LRBA: variants seen among roughly 807,000 people sequenced by gnomAD.
The protein encoded by LRBA is lipopolysaccharide-responsive and beige-like anchor protein.
A neutral mutation model predicts 330.0 loss-of-function variants in LRBA; 176 were observed. That is an observed-to-expected ratio of 0.53 (90% confidence interval 0.47 to 0.60). The LOEUF is 0.60. Ranked by LOEUF, LRBA falls within the 20% of genes least tolerant of loss-of-function variation. LRBA has a pLI of 0.00. For synonymous variants in LRBA, 1,230 were observed against 1,193.0 expected, an observed-to-expected ratio of 1.03 and a Z score of -0.64; for missense variants, 3,259 against 3,444.8, an observed-to-expected ratio of 0.95 and a Z score of 1.35.
chr4:150,539,633 T>C (rs1433741481), intron 40 of LRBA, among the ~76,000 whole-genome samples: 1 of 152,218 alleles, frequency 6.6e-6, no homozygotes, highest in Non-Finnish European at 1.5e-5. Context: ...CTCTGAATAG[T>C]TACCTGGAAG....
chr4:150,767,088 G>A (rs1298564181), intron 34 of LRBA, among the ~76,000 whole-genome samples: 2 of 152,022 alleles, frequency 1.3e-5, no homozygotes, highest in African/African-American at 2.4e-5. Context: ...GTAAAAGTTA[G>A]TTAGGGCAAC....
At chr4:150,869,989 A>C (rs1009349625) in intron 20 of LRBA, among the ~76,000 whole-genome samples, 4 of 152,184 alleles carry the variant, frequency 2.6e-5, no homozygotes, top group Non-Finnish European at 5.9e-5. Context: ...AACCACATAA[A>C]ATGTAATTAA....
chr4:150,832,481 A>T (rs186043074), intron 28 of LRBA, among the ~76,000 whole-genome samples: 9 of 152,284 alleles, frequency 5.9e-5, no homozygotes, highest in African/African-American at 1.7e-4. Context: ...CTGTAATCCC[A>T]GCTACTCAGG....
chr4:150,992,209 G>A (rs767473626), intron 2 of LRBA, among the ~76,000 whole-genome samples: 4 of 151,806 alleles, frequency 2.6e-5, no homozygotes, highest in East Asian at 1.9e-4. Context: ...CCAGCTACTC[G>A]TGAGGCTGAG....
intron 2 of LRBA, among the ~76,000 whole-genome samples, chr4:150,947,130 T>C (rs929200861): frequency 6.6e-5 from 10 of 151,718 alleles, no homozygotes; most frequent in Non-Finnish European, 1.3e-4. Flanking sequence ...TCTGGAGAAT[T>C]CTTCTAAATA....
rs912928419 is a variant in LRBA, at chr4:150,693,513, G to A, written c.5755-9796C>T. Among the ~76,000 whole-genome samples the A allele has an allele frequency of 7.5e-5, 9 of 119,440 alleles. No individual in the cohort carries two copies. The South Asian group carries it at 1.7e-3, about 23-fold the overall frequency. The allele number at this position is 119,440 out of a possible 152,430, so 78.4% of individuals were successfully genotyped here. On this transcript the variant is annotated intron_variant, in intron 36 of 56. Coordinates refer to ENST00000651943, the MANE Select transcript of LRBA (RefSeq NM_001364905.1). Reference sequence around the variant, plus strand: ...CGGGAGGCGGAGCTTGCAGTGAGCCGAGATCCCGCCACTGCACTCCAGCCT... The same window carrying A: ...CGGGAGGCGGAGCTTGCAGTGAGCCAAGATCCCGCCACTGCACTCCAGCCT...
In LRBA at chr4:150,818,551, TGTGTGTGTGTGTGC is replaced by T. The variant is rs973443867; in HGVS notation, c.5172-1308_5172-1295del. On this transcript the variant is annotated intron_variant, in intron 30 of 56. Transcript: ENST00000651943. The stretch of plus-strand genomic sequence containing the variant: ...GAATGTCTGTGTGTGTGTGTGTGTG[TGTGTGTGTGTGTGC>T]GTGCACGAATGTGTGTGTGTACGTA... Among the ~76,000 whole-genome samples, 19 of 151,148 alleles carry T rather than the reference TGTGTGTGTGTGTGC, an allele frequency of 1.3e-4. No homozygotes were observed. The East Asian group carries it at 2.7e-3, about 22-fold the overall frequency.
In LRBA at chr4:150,957,623, T is replaced by C. The variant is rs1737679506; in HGVS notation, c.217-28558A>G. Among the ~76,000 whole-genome samples, 2 of 148,730 alleles carry C rather than the reference T, an allele frequency of 1.3e-5. 1 individual carries two copies. The highest frequency in any genetic ancestry group is 1.3e-4 in the Admixed American group (2 of 15,196). On this transcript the variant is annotated intron_variant, in intron 2 of 56. Coordinates refer to ENST00000651943, the MANE Select transcript of LRBA (RefSeq NM_001364905.1). Reference sequence around the variant, plus strand: ...CCCCCAGTCTTAACCCATTTTAGCATTAACTCCAAAGTCCACAGTCCAAAG... The same window carrying C: ...CCCCCAGTCTTAACCCATTTTAGCACTAACTCCAAAGTCCACAGTCCAAAG...
At chr4:150,373,170 T>A (rs62347031) in intron 47 of LRBA, among the ~76,000 whole-genome samples, 19,233 of 108,020 alleles carry the variant, frequency 0.18, 1,610 homozygotes, top group Non-Finnish European at 0.24. Context: ...TGTGTGTGTG[T>A]GTGAGAGAGA....
At chr4:150,865,698 T>C (rs1328777302) in intron 22 of LRBA, among the ~76,000 whole-genome samples, 3 of 151,532 alleles carry the variant, frequency 2.0e-5, no homozygotes. Context: ...AACATGTAAT[T>C]AGGAAAGGGC....
At chr4:150,538,602 T>C (rs571403677) in intron 40 of LRBA, among the ~76,000 whole-genome samples, 5 of 151,820 alleles carry the variant, frequency 3.3e-5, no homozygotes, top group Middle Eastern at 3.4e-3. Context: ...CATATGGACA[T>C]ACAGATGGGA....
chr4:150,357,518 C>G (rs1306809552), intron 47 of LRBA, among the ~76,000 whole-genome samples: 1 of 151,884 alleles, frequency 6.6e-6, no homozygotes, highest in Non-Finnish European at 1.5e-5. Context: ...CAACTATTTT[C>G]TTTAGAACTA....
rs535935374 is a variant in LRBA at position 150,569,426 on chromosome 4, T to G, written c.6330+18622A>C. Among the ~76,000 whole-genome samples, 56 of 152,302 alleles carry G rather than the reference T, an allele frequency of 3.7e-4. No homozygotes were observed. In the South Asian group the frequency reaches 0.011, roughly 31 times the overall value. On this transcript the variant is annotated intron_variant, in intron 40 of 56. Coordinates refer to ENST00000651943, the MANE Select transcript of LRBA (RefSeq NM_001364905.1). ...TACATTGTCCAAACAAAAGCTGTGT[T>G]AATAATAAAGAGTATACTTCTGAAT... is the stretch of plus-strand genomic sequence containing the variant.
chr4:150,559,758 T>TC (rs1767933298), intron 40 of LRBA, among the ~76,000 whole-genome samples: 1 of 87,700 alleles, frequency 1.1e-5, no homozygotes, highest in Non-Finnish European at 2.0e-5. Context: ...ATATATAACA[T>TC]TATAGATTAT....
At chr4:150,471,578 T>G (rs1756133984) in intron 43 of LRBA, 46 bp downstream of exon 43, 1 of 1,093,582 alleles carries the variant, frequency 9.1e-7, no homozygotes, top group Non-Finnish European at 1.3e-6. Context: ...CAATTGAAAT[T>G]AATAATTTAT....
intron 30 of LRBA, among the ~76,000 whole-genome samples, chr4:150,825,771 A>G (rs763249494): frequency 6.6e-6 from 1 of 152,198 alleles, no homozygotes; most frequent in Non-Finnish European, 1.5e-5. Flanking sequence ...AAGTGCCACT[A>G]GCAATACTGG....
chr4:150,601,210 T>A (rs1774077498), intron 37 of LRBA, among the ~76,000 whole-genome samples: 1 of 152,242 alleles, frequency 6.6e-6, no homozygotes. Flanking sequence ...AATTTGTCAT[T>A]CATCCATCCT....
At chr4:150,533,696 T>C (rs1347051603) in intron 40 of LRBA, among the ~76,000 whole-genome samples, 3 of 152,180 alleles carry the variant, frequency 2.0e-5, no homozygotes, top group African/African-American at 7.2e-5. Context: ...CAGACAGCCC[T>C]GGAGGGACGC....
intron 36 of LRBA, among the ~76,000 whole-genome samples, chr4:150,729,488 A>C (rs536335124): frequency 6.6e-6 from 1 of 152,342 alleles, no homozygotes; most frequent in Non-Finnish European, 1.5e-5. Context: ...CTGATAAAAG[A>C]AATTGAAGAG....
Sources: allele counts gnomAD v4.1 joint callset (sites outside exome capture counted in the v4.1 genomes callset), GRCh38; gene constraint gnomAD v4.1.1; transcripts MANE v1.5; gene names NCBI Gene and HGNC (gene_info 2026-07-23, HGNC 2026-07-21).